Variants in PPM1G observed in about 807,000 individuals in gnomAD.
PPM1G encodes protein phosphatase, Mg2+/Mn2+ dependent 1G, also known as protein phosphatase 1G.
Under a neutral mutation model 59.4 loss-of-function variants are expected in PPM1G, and 12 were observed. The observed-to-expected ratio is 0.20, with a 90% CI of 0.13 to 0.33. The LOEUF is 0.33. PPM1G is among the 10% of genes least tolerant of loss of function. The pLI, the probability that PPM1G is intolerant of heterozygous loss-of-function variation, is 1.00. For missense variants in PPM1G, 392 were observed against 681.3 expected, an observed-to-expected ratio of 0.58 and a Z score of 4.73; for synonymous variants, 245 against 251.9, an observed-to-expected ratio of 0.97 and a Z score of 0.26.
At chr2:27,391,667 G>A (rs555313413) in intron 1 of PPM1G, among the ~76,000 whole-genome samples, 1 of 151,562 alleles carries the variant, frequency 6.6e-6, no homozygotes, top group Non-Finnish European at 1.5e-5. Flanking sequence ...TTTCTTGAAA[G>A]ATCTCTTGGA....
Position 27,387,132 on chromosome 2 carries a change from C to T in PPM1G, c.147G>A (p.Leu49=). The change falls in exon 2 of 10, where the codon CTG becomes CTA. Residue 49 remains leucine (L), a synonymous_variant. Coordinates refer to ENST00000344034, the MANE Select transcript of PPM1G (RefSeq NM_177983.3). ...MEDAHNCIPE[L]DSETAMFSVY... is the part of the protein sequence containing the mutation. Reference sequence around the variant, plus strand: ...CAGAAAACATGGCTGTCTCACTGTCCAGCTCAGGAATACAGTTGTGAGCAT... The same window carrying T: ...CAGAAAACATGGCTGTCTCACTGTCTAGCTCAGGAATACAGTTGTGAGCAT... The T allele has an allele frequency of 6.2e-7, 1 of 1,613,364 alleles. No homozygotes were observed. The highest frequency in any genetic ancestry group is 8.5e-7 in the Non-Finnish European group (1 of 1,179,322).
chr2:27,385,133 A>G lies in PPM1G; in HGVS notation c.410-45T>C, dbSNP rs1240878357. On this transcript the variant is annotated intron_variant, in intron 4 of 9. Transcript: ENST00000344034. The surrounding 1 kb of genome is among the most constrained non-coding windows in gnomAD (Gnocchi z 4.1). ...TCAGAGCCCCCATGCCAGACTCCTC[A>G]TGGGATCCGTCCCTCTCACTACCTC... 1 of 1,527,910 alleles carries G rather than the reference A, an allele frequency of 6.5e-7. No individual in the cohort carries two copies. The highest frequency in any genetic ancestry group is 8.7e-7 in the Non-Finnish European group (1 of 1,143,504). The allele number at this position is 1,527,910 out of a possible 1,614,324, so 94.6% of individuals were successfully genotyped here.
In PPM1G at chr2:27,386,882, G is replaced by A. The variant is rs564868926; in HGVS notation, c.190+207C>T. 2.9e-5 allele frequency: 13 copies of A among 444,260 alleles called. No homozygotes were observed. The South Asian group carries it at 5.0e-4, about 17-fold the overall frequency. The allele number at this position is 444,260 out of a possible 1,614,324, so 27.5% of individuals were successfully genotyped here. A position where few individuals can be genotyped will look rare whatever the true frequency, so the allele number is the denominator to read the frequency against. On this transcript the variant is annotated intron_variant, in intron 2 of 9. Transcript: ENST00000344034. ...AAATAAAAAAAGATAGAGGCTCTTT[G>A]GATTAAAACAAGTCCTGGTGAGATT...
At position 27,383,730 on chromosome 2, in the gene PPM1G, C is replaced by T. The variant is rs1019456354; in HGVS notation, c.967-130G>A. 3.2e-5 allele frequency: 37 copies of T among 1,146,374 alleles called. No individual in the cohort carries two copies. The highest frequency in any genetic ancestry group is 4.4e-5 in the Non-Finnish European group (36 of 816,802). The allele number at this position is 1,146,374 out of a possible 1,614,324, so 71.0% of individuals were successfully genotyped here. ...AGAGCTTTAACAAACAGGAGAAGCA[C>T]ACATTTCATCTTTCTAGAGACAGCA... On this transcript the variant is annotated intron_variant, in intron 6 of 9. Transcript: ENST00000344034. This position sits in a 1 kb window ranked among gnomAD's most constrained non-coding sequence, Gnocchi z 5.0.
chr2:27,385,267 T>C lies in PPM1G; in HGVS notation c.410-179A>G, dbSNP rs574021820. 3.1e-6 allele frequency: 2 copies of C among 641,432 alleles called. No homozygotes were observed. Among genetic ancestry groups the C allele is most frequent in the East Asian group, 6.0e-5 (2 of 33,458 alleles). The allele number at this position is 641,432 out of a possible 1,614,324, so 39.7% of individuals were successfully genotyped here. ...GCTCCTCCTCCTCCACAGACTTCTT[T>C]TGGTTTTTGTGTTTCATCCCCTTCT... is the stretch of plus-strand genomic sequence containing the variant. On this transcript the variant is annotated intron_variant, in intron 4 of 9. Transcript: ENST00000344034. This position sits in a 1 kb window ranked among gnomAD's most constrained non-coding sequence, Gnocchi z 4.1.
chr2:27,407,368 G>C (rs978764408), intron 1 of PPM1G, among the ~76,000 whole-genome samples: 1 of 152,066 alleles, frequency 6.6e-6, no homozygotes, highest in African/African-American at 2.4e-5. Flanking sequence ...GGCTCAAAGT[G>C]ATTTTCTATC....
intron 1 of PPM1G, among the ~76,000 whole-genome samples, chr2:27,398,109 G>A (rs1352133852): frequency 3.3e-5 from 5 of 152,088 alleles, no homozygotes; most frequent in Admixed American, 3.3e-4. Context: ...ATTTCAAAAC[G>A]TACTAAAAAG....
At chr2:27,407,580 T>A (rs753118565) in intron 1 of PPM1G, among the ~76,000 whole-genome samples, 1 of 152,154 alleles carries the variant, frequency 6.6e-6, no homozygotes, top group African/African-American at 2.4e-5. Context: ...ATATTTCTAA[T>A]AGACAATTAC....
In PPM1G at chr2:27,382,629, A is replaced by G. The variant is rs1683660454; in HGVS notation, c.1202-24T>C. The stretch of plus-strand genomic sequence containing the variant: ...CCCTGGAGTAAAGGAATGGTTGATG[A>G]GCAGTTTGGATACTTCCCACAGACT... On this transcript the variant is annotated intron_variant, in intron 7 of 9. Transcript: ENST00000344034. The surrounding 1 kb of genome is among the most constrained non-coding windows in gnomAD (Gnocchi z 4.2). 2.5e-6 allele frequency: 4 copies of G among 1,613,718 alleles called. No homozygotes were observed. The highest frequency in any genetic ancestry group is 3.4e-6 in the Non-Finnish European group (4 of 1,179,836).
At chr2:27,394,583 T>G (rs1683997991) in intron 1 of PPM1G, among the ~76,000 whole-genome samples, 1 of 151,356 alleles carries the variant, frequency 6.6e-6, no homozygotes, top group Non-Finnish European at 1.5e-5. Context: ...ACAAAAAAAT[T>G]AGCCAGGAGT....
intron 1 of PPM1G, among the ~76,000 whole-genome samples, chr2:27,405,632 G>C (rs1159672038): frequency 6.6e-6 from 1 of 151,696 alleles, no homozygotes; most frequent in East Asian, 2.0e-4. Flanking sequence ...GACCTCAGGT[G>C]ATCTGCCCCC....
chr2:27,403,893 A>AGG (rs1684240429), intron 1 of PPM1G, among the ~76,000 whole-genome samples: 1 of 151,974 alleles, frequency 6.6e-6, no homozygotes, highest in African/African-American at 2.4e-5. Flanking sequence ...AAAGAGAGAG[A>AGG]GAGAGAAATT....
At chr2:27,394,656 G>GGGAGGCGGACCA in intron 1 of PPM1G, among the ~76,000 whole-genome samples, 1 of 151,000 alleles carries the variant, frequency 6.6e-6, no homozygotes, top group South Asian at 2.1e-4. Flanking sequence ...ACTTGAACCC[G>GGGAGGCGGACCA]GGAGGCGGAC....
chr2:27,393,236 G>C (rs1000344477), intron 1 of PPM1G: 1 of 1,569,590 alleles, frequency 6.4e-7, no homozygotes, highest in African/African-American at 1.3e-5. Context: ...CCACATCATC[G>C]CTGTCAAAGT....
In PPM1G at chr2:27,392,785, T is replaced by C. The variant is rs1401984348; in HGVS notation, c.121-5627A>G. On this transcript the variant is annotated intron_variant, in intron 1 of 9. Coordinates refer to ENST00000344034, the MANE Select transcript of PPM1G (RefSeq NM_177983.3). ...GCTATGGGGAAATTAGCCTGAGGCT[T>C]AGCTTTCATTATCACTGTCTCCCAG... 3.4e-6 allele frequency: 5 copies of C among 1,464,938 alleles called. No individual in the cohort carries two copies. In the East Asian group the frequency reaches 1.1e-4, roughly 33 times the overall value. 90.7% of individuals were successfully genotyped at this position (1,464,938 alleles called of 1,614,324 possible).
Position 27,383,670 on chromosome 2 carries a change from G to A in PPM1G, c.967-70C>T. 30 of 1,423,670 alleles carry A rather than the reference G, an allele frequency of 2.1e-5. No individual in the cohort carries two copies. The highest frequency in any genetic ancestry group is 2.5e-5 in the Non-Finnish European group (26 of 1,042,744). The allele number at this position is 1,423,670 out of a possible 1,614,324, so 88.2% of individuals were successfully genotyped here. A position where few individuals can be genotyped will look rare whatever the true frequency, so the allele number is the denominator to read the frequency against. On this transcript the variant is annotated intron_variant, in intron 6 of 9. Coordinates refer to ENST00000344034, the MANE Select transcript of PPM1G (RefSeq NM_177983.3). This position sits in a 1 kb window ranked among gnomAD's most constrained non-coding sequence, Gnocchi z 5.0. ...GTTCCTCACTGATGTGCTCCTGATC[G>A]TTCACCTATGCTTGCTTTCACTGGG...
intron 1 of PPM1G, among the ~76,000 whole-genome samples, chr2:27,398,681 G>A (rs1014222202): frequency 5.9e-5 from 9 of 151,842 alleles, no homozygotes; most frequent in Non-Finnish European, 7.4e-5. Flanking sequence ...AATTAGCTGC[G>A]CATGGTGGCA....
intron 1 of PPM1G, among the ~76,000 whole-genome samples, chr2:27,395,421 C>T (rs1684026552): frequency 6.6e-6 from 1 of 151,750 alleles, no homozygotes; most frequent in African/African-American, 2.4e-5. Flanking sequence ...CCCAGCTTCT[C>T]AGGAGGCTGG....
chr2:27,393,267 A>G, intron 1 of PPM1G: 1 of 1,593,138 alleles, frequency 6.3e-7, no homozygotes, highest in South Asian at 1.1e-5. Flanking sequence ...GCACAGGTAA[A>G]TGGAGGAGGC....
Sources: gnomAD v4.1 joint callset for allele counts (sites outside exome capture counted in the v4.1 genomes callset) on GRCh38, gnomAD v4.1.1 for gene constraint, Gnocchi (gnomAD v3.1) non-coding constraint, MANE v1.5 for transcripts, NCBI Gene and HGNC (gene_info 2026-07-23, HGNC 2026-07-21) for gene names.